Variants in WDR19 observed in about 807,000 individuals in gnomAD.
WDR19 encodes WD repeat domain 19.
In WDR19, 121 loss-of-function variants were observed where a neutral mutation model predicts 180.0. The ratio of observed to expected loss-of-function variants is 0.67; its 90% confidence interval spans 0.58 to 0.78. WDR19 has a LOEUF of 0.78. WDR19 is among the 30% of genes least tolerant of loss of function. WDR19 has a pLI of 0.00. For synonymous variants in WDR19, 497 were observed against 540.7 expected (o/e 0.92, Z 1.12); for missense variants, 1,450 against 1,640.7 (o/e 0.88, Z 2.01).
chr4:39,205,642 CAA>C lies in WDR19; in HGVS notation c.797_798del (p.Gln266ArgfsTer7). 6.2e-7 allele frequency: 1 copy of C among 1,612,942 alleles called. No homozygotes were observed. Among genetic ancestry groups the C allele is most frequent in the Non-Finnish European group, 8.5e-7 (1 of 1,179,438 alleles). On this transcript the variant is annotated frameshift_variant, in exon 9 of 37. Transcript: ENST00000399820. LOFTEE classifies it high-confidence loss of function. ...VISTHTGELGQEIFQARNHKD... is the reference protein window; with the variant it reads ...VISTHTGELGXEIFQARNHKD... Reference sequence around the variant, plus strand: ...TTCTACTCATACTGGAGAGCTTGGTCAAGAGATATTTCAGGCTCGTAACCATA... The same window carrying C: ...TTCTACTCATACTGGAGAGCTTGGTCGAGATATTTCAGGCTCGTAACCATA...
Position 39,205,574 on chromosome 4 carries a change from G to C in WDR19, c.728G>C (p.Gly243Ala), listed in dbSNP as rs776687469. 6.2e-7 allele frequency: 1 copy of C among 1,613,062 alleles called. No homozygotes were observed. Among genetic ancestry groups the C allele is most frequent in the Admixed American group, 1.7e-5 (1 of 59,902 alleles). ...NIVCYNWYGD[G>A]RIMIGFSCGH... ...CTTCTTTGCTATAGGTATGGTGATG[G>C]CCGCATCATGATTGGTTTTTCATGT... Residue 243 changes from glycine (G) to alanine (A), a missense_variant, in exon 9 of 37, where the codon GGC becomes GCC. Coordinates refer to ENST00000399820, the MANE Select transcript of WDR19 (RefSeq NM_025132.4).
intron 33 of WDR19, chr4:39,275,204 G>A: frequency 2.2e-6 from 1 of 449,764 alleles, no homozygotes; most frequent in Non-Finnish European, 4.2e-6. Flanking sequence ...GCTGGGCGTG[G>A]TGGTGCACAC....
chr4:39,258,984 C>T lies in WDR19; in HGVS notation c.3183+1430C>T, dbSNP rs555645775. On this transcript the variant is annotated intron_variant, in intron 28 of 36. Transcript: ENST00000399820. The stretch of plus-strand genomic sequence containing the variant: ...TTCAGAGGCTGAGGCAGGAGAATCA[C>T]TTGAACCCAGGTGGCAGAGGTTGTA... Among the ~76,000 whole-genome samples the T allele has an allele frequency of 2.6e-5, 4 of 152,276 alleles. No individual in the cohort carries two copies. In the East Asian group the frequency reaches 7.7e-4, roughly 29 times the overall value.
chr4:39,230,877 A>T (rs1486839941), intron 17 of WDR19, among the ~76,000 whole-genome samples: 2 of 152,222 alleles, frequency 1.3e-5, no homozygotes, highest in East Asian at 1.9e-4. Flanking sequence ...ATTTATGTTC[A>T]TGTTTTAAAC....
Position 39,189,644 on chromosome 4 carries a change from C to CT in WDR19, c.165-6dup, listed in dbSNP as rs763190400. On this transcript the variant is annotated splice_polypyrimidine_tract_variant and intron_variant, in intron 3 of 36. Transcript: ENST00000399820. The stretch of plus-strand genomic sequence containing the variant: ...AAACTGTATAGTGGTATTTTGCTCT[C>CT]TTTTTTAAAAGTAACTGTGTTGCCA... 6.3e-7 allele frequency: 1 copy of CT among 1,576,358 alleles called. No individual in the cohort carries two copies. Among genetic ancestry groups the CT allele is most frequent in the Admixed American group, 2.0e-5 (1 of 50,792 alleles).
chr4:39,185,875 T>A, intron 2 of WDR19, 58 bp downstream of exon 2: 1 of 1,330,440 alleles, frequency 7.5e-7, no homozygotes, highest in Non-Finnish European at 1.0e-6. Flanking sequence ...TCACACCATC[T>A]ACTCAGTAGA....
chr4:39,257,060 A>G (rs565754914), intron 27 of WDR19, among the ~76,000 whole-genome samples: 1 of 152,350 alleles, frequency 6.6e-6, no homozygotes, highest in South Asian at 2.1e-4. Context: ...TATTATCATC[A>G]TATCACACAG....
chr4:39,187,925 TTC>T (rs980195419), intron 3 of WDR19, among the ~76,000 whole-genome samples: 2 of 152,212 alleles, frequency 1.3e-5, no homozygotes, highest in Admixed American at 1.3e-4. Flanking sequence ...AGCTTCCCTC[TTC>T]CATACTCCCC....
At chr4:39,225,818 C>T (rs1233042818) in intron 15 of WDR19, among the ~76,000 whole-genome samples, 1 of 152,086 alleles carries the variant, frequency 6.6e-6, no homozygotes, top group Admixed American at 6.5e-5. Context: ...CCTTCCCTTC[C>T]CTTTCTCTTC....
intron 24 of WDR19, among the ~76,000 whole-genome samples, chr4:39,251,872 C>T (rs944335918): frequency 1.3e-5 from 2 of 151,968 alleles, no homozygotes; most frequent in East Asian, 1.9e-4. Context: ...GTGCTGGAGA[C>T]GATGTGGAGA....
Position 39,253,144 on chromosome 4 carries a change from A to G in WDR19, c.2730-2A>G, listed in dbSNP as rs761235545. 6.4e-7 allele frequency: 1 copy of G among 1,567,366 alleles called. No individual in the cohort carries two copies. Among genetic ancestry groups the G allele is most frequent in the Non-Finnish European group, 8.6e-7 (1 of 1,163,200 alleles). ...AAGTTTATCTGAGCTATTTTTTTAC[A>G]GATACAAAGAAGCTGTTGTAGCTTA... On this transcript the variant is annotated splice_acceptor_variant, in intron 24 of 36. Transcript: ENST00000399820. LOFTEE classifies it high-confidence loss of function.
intron 27 of WDR19, among the ~76,000 whole-genome samples, chr4:39,256,799 T>G (rs1043240404): frequency 6.6e-6 from 1 of 152,148 alleles, no homozygotes; most frequent in African/African-American, 2.4e-5. Context: ...CAGCCAGGCC[T>G]TCATCCATCC....
At chr4:39,275,006 A>G in intron 33 of WDR19, 48 bp downstream of exon 33, 1 of 1,556,276 alleles carries the variant, frequency 6.4e-7, no homozygotes, top group Non-Finnish European at 8.7e-7. Context: ...TTCTCAAAGT[A>G]TTTCCAAAAA....
chr4:39,266,042 T>G, intron 28 of WDR19, 21 bp from the exon 29 acceptor site: 1 of 1,550,762 alleles, frequency 6.4e-7, no homozygotes, highest in Non-Finnish European at 8.7e-7. Context: ...ATTTGCTGGG[T>G]TTTTCTCTCT....
intron 20 of WDR19, among the ~76,000 whole-genome samples, chr4:39,235,193 C>G (rs1577953189): frequency 6.6e-6 from 1 of 152,062 alleles, no homozygotes; most frequent in Non-Finnish European, 1.5e-5. Flanking sequence ...GTGGTATGAT[C>G]ATAGCTCACT....
chr4:39,208,137 A>T (rs772780546), intron 9 of WDR19, among the ~76,000 whole-genome samples: 4 of 152,164 alleles, frequency 2.6e-5, no homozygotes, highest in Admixed American at 6.6e-5. Flanking sequence ...ATAAATTAAA[A>T]TGGAATACTA....
intron 2 of WDR19, 130 bp from the exon 3 acceptor site, chr4:39,186,409 G>T (rs1018081296): frequency 1.9e-6 from 1 of 516,112 alleles, no homozygotes; most frequent in Non-Finnish European, 3.2e-6. Context: ...AACCTGGGAG[G>T]TGGAGGTTGC....
chr4:39,233,216 C>T (rs1731057979), intron 19 of WDR19, among the ~76,000 whole-genome samples: 1 of 152,110 alleles, frequency 6.6e-6, no homozygotes, highest in Non-Finnish European at 1.5e-5. Flanking sequence ...TCACTGGTTT[C>T]CCAGAGGTGA....
At chr4:39,242,803 G>A (rs1401679968) in intron 21 of WDR19, among the ~76,000 whole-genome samples, 2 of 152,162 alleles carry the variant, frequency 1.3e-5, no homozygotes, top group Non-Finnish European at 1.5e-5. Flanking sequence ...CTGAATAGCT[G>A]GGATTACAGG....
Sources: gnomAD v4.1 joint callset for allele counts (sites outside exome capture counted in the v4.1 genomes callset) on GRCh38, gnomAD v4.1.1 for gene constraint, MANE v1.5 for transcripts, NCBI Gene and HGNC (gene_info 2026-07-23, HGNC 2026-07-21) for gene names.